RBMS3: variants seen among roughly 807,000 people sequenced by gnomAD.
The protein encoded by RBMS3 is RNA binding motif single stranded interacting protein 3, also known as RNA-binding motif, single-stranded-interacting protein 3.
In RBMS3, 27 loss-of-function variants were observed where a neutral mutation model predicts 66.8. The ratio of observed to expected loss-of-function variants is 0.40; its 90% CI spans 0.30 to 0.56. RBMS3 has a LOEUF of 0.56. RBMS3 is among the 20% of genes least tolerant of loss of function. RBMS3 has a pLI of 0.40. For synonymous variants in RBMS3, 188 were observed against 183.0 expected, an observed-to-expected ratio of 1.03 and a Z score of -0.22; for missense variants, 513 against 549.5, an observed-to-expected ratio of 0.93 and a Z score of 0.66.
At chr3:29,890,838 G>A (rs2059984601) in intron 8 of RBMS3, among the ~76,000 whole-genome samples, 1 of 151,470 alleles carries the variant, frequency 6.6e-6, no homozygotes, top group Non-Finnish European at 1.5e-5. Context: ...GGGTGAGACG[G>A]AAACTTATCT....
intron 4 of RBMS3, among the ~76,000 whole-genome samples, chr3:29,594,955 A>G (rs945678168): frequency 1.3e-5 from 2 of 152,228 alleles, no homozygotes; most frequent in Non-Finnish European, 2.9e-5. Context: ...GTGCATATGT[A>G]TACTAGTAAA....
chr3:29,301,127 G>GA (rs1169719218), intron 1 of RBMS3, among the ~76,000 whole-genome samples: 23 of 151,910 alleles, frequency 1.5e-4, no homozygotes, highest in African/African-American at 5.6e-4. Context: ...TAGACAAACA[G>GA]AAAACTGAAG....
intron 6 of RBMS3, among the ~76,000 whole-genome samples, chr3:29,817,904 A>AGG (rs1489563827): frequency 1.3e-5 from 2 of 152,166 alleles, no homozygotes; most frequent in African/African-American, 4.8e-5. Context: ...CACCAAATAT[A>AGG]ATCATGCATT....
chr3:29,991,250 CCATCTTGA>C, intron 14 of RBMS3, 41 bp downstream of exon 14: 12 of 1,612,854 alleles, frequency 7.4e-6, no homozygotes, highest in African/African-American at 1.3e-5. Flanking sequence ...TCAAGATCAG[CCATCTTGA>C]CATCACTCTC....
At chr3:29,809,877 G>A (rs923141257) in intron 6 of RBMS3, among the ~76,000 whole-genome samples, 2 of 152,008 alleles carry the variant, frequency 1.3e-5, no homozygotes, top group African/African-American at 4.8e-5. Context: ...CACTTAAGCA[G>A]CATCTGTTTC....
intron 1 of RBMS3, among the ~76,000 whole-genome samples, chr3:29,378,641 T>C (rs4574243): frequency 0.34 from 51,986 of 152,118 alleles, 11,086 homozygotes; most frequent in Middle Eastern, 0.51. Context: ...TTAGCTGTTA[T>C]AAGTAAAGGT....
intron 1 of RBMS3, among the ~76,000 whole-genome samples, chr3:29,328,160 C>T (rs995766027): frequency 7.2e-5 from 11 of 152,142 alleles, no homozygotes; most frequent in Admixed American, 2.0e-4. Flanking sequence ...ATTTAAACAA[C>T]GTGGCACGTT....
At chr3:29,290,829 C>T (rs2032750154) in intron 1 of RBMS3, 1 of 151,790 alleles carries the variant, frequency 6.6e-6, no homozygotes, top group African/African-American at 2.4e-5. Flanking sequence ...TTTGCTATTT[C>T]CTGTAACAAT....
At position 29,623,491 on chromosome 3, in the gene RBMS3, T is replaced by C. The variant is rs200931627; in HGVS notation, c.399+36286T>C. Among the ~76,000 whole-genome samples, 24 of 150,686 alleles carry C rather than the reference T, an allele frequency of 1.6e-4. No homozygotes were observed. The South Asian group carries it at 3.4e-3, about 21-fold the overall frequency. ...CCTGTAGTTCCAGCTACTCGGGAGG[T>C]TGAGGCAGGAGGATGGCGTGAACCA... On this transcript the variant is annotated intron_variant, in intron 4 of 14. Transcript: ENST00000383767.
chr3:29,618,185 A>G (rs1180991983), intron 4 of RBMS3, among the ~76,000 whole-genome samples: 2 of 152,170 alleles, frequency 1.3e-5, no homozygotes, highest in African/African-American at 4.8e-5. Context: ...TAGGAAATTA[A>G]ATAAAAATCT....
chr3:29,517,163 T>C (rs1482970509), intron 3 of RBMS3, among the ~76,000 whole-genome samples: 1 of 151,862 alleles, frequency 6.6e-6, no homozygotes, highest in Non-Finnish European at 1.5e-5. Flanking sequence ...CAGAGCGTTT[T>C]GGTTGCGTCA....
intron 10 of RBMS3, among the ~76,000 whole-genome samples, chr3:29,915,290 G>A (rs1577134491): frequency 6.6e-6 from 1 of 151,878 alleles, no homozygotes; most frequent in Non-Finnish European, 1.5e-5. Flanking sequence ...TGCTGGTAAT[G>A]AGAACCAGTT....
At chr3:29,457,403 T>C (rs2042227904) in intron 2 of RBMS3, among the ~76,000 whole-genome samples, 1 of 152,142 alleles carries the variant, frequency 6.6e-6, no homozygotes, top group African/African-American at 2.4e-5. Context: ...CATATAATTT[T>C]ACCGGTAAGC....
intron 3 of RBMS3, among the ~76,000 whole-genome samples, chr3:29,493,062 G>T (rs182837417): frequency 1.3e-5 from 2 of 152,002 alleles, no homozygotes; most frequent in Non-Finnish European, 2.9e-5. Flanking sequence ...ATGTATCTAC[G>T]TACAACTTTG....
intron 2 of RBMS3, among the ~76,000 whole-genome samples, chr3:29,485,975 A>T (rs1387861987): frequency 6.6e-6 from 1 of 152,156 alleles, no homozygotes; most frequent in East Asian, 1.9e-4. Context: ...TTACTTCAGA[A>T]ATTTTTATTT....
chr3:29,867,284 G>A (rs998260080), intron 6 of RBMS3, among the ~76,000 whole-genome samples: 1 of 151,808 alleles, frequency 6.6e-6, no homozygotes, highest in Non-Finnish European at 1.5e-5. Context: ...GAAGTTGTCA[G>A]TTATCTATTA....
intron 4 of RBMS3, among the ~76,000 whole-genome samples, chr3:29,626,809 C>T (rs2049079515): frequency 6.6e-6 from 1 of 152,114 alleles, no homozygotes; most frequent in Admixed American, 6.6e-5. Context: ...GTCCTGATAT[C>T]TCAGATTCAT....
chr3:29,453,568 C>T (rs934866630), intron 2 of RBMS3, among the ~76,000 whole-genome samples: 2 of 152,230 alleles, frequency 1.3e-5, no homozygotes, highest in African/African-American at 4.8e-5. Flanking sequence ...GGTTTGTTCT[C>T]TTCCAGCCTC....
chr3:29,426,371 T>C (rs1255117451), intron 1 of RBMS3, among the ~76,000 whole-genome samples: 2 of 152,202 alleles, frequency 1.3e-5, no homozygotes, highest in Admixed American at 6.5e-5. Context: ...AACTGAACAA[T>C]AACTAGTTTA....
Sources: gnomAD v4.1 joint callset for allele counts (sites outside exome capture counted in the v4.1 genomes callset) on GRCh38, gnomAD v4.1.1 for gene constraint, MANE v1.5 for transcripts, NCBI Gene and HGNC (gene_info 2026-07-23, HGNC 2026-07-21) for gene names.